Variants in ANK2 observed in about 807,000 individuals in gnomAD.
ANK2 encodes the protein ankyrin 2, also known as ankyrin-2.
Under a neutral mutation model 360.5 loss-of-function variants are expected in ANK2, and 83 were observed. The observed-to-expected ratio is 0.23, with a 90% confidence interval of 0.19 to 0.28. The LOEUF (loss-of-function observed/expected upper bound fraction) is 0.28, where lower values mean the gene tolerates loss of function less well. ANK2 is among the 10% of genes least tolerant of loss of function. The pLI is 1.00. For missense variants in ANK2, 4,201 were observed against 4,795.7 expected (o/e 0.88, Z 3.66); for synonymous variants, 1,740 against 1,759.5 (o/e 0.99, Z 0.28).
chr4:112,924,392 A>C (rs1290174950), intron 2 of ANK2, among the ~76,000 whole-genome samples: 1 of 151,674 alleles, frequency 6.6e-6, no homozygotes, highest in Non-Finnish European at 1.5e-5. Context: ...GAAAAACAGA[A>C]AAAAAGAAAA....
At chr4:113,091,552 T>C (rs2088147417) in intron 1 of ANK2, among the ~76,000 whole-genome samples, 1 of 152,234 alleles carries the variant, frequency 6.6e-6, no homozygotes, top group Non-Finnish European at 1.5e-5. Flanking sequence ...CAGTTTTACT[T>C]TCTAAAACAG....
chr4:112,761,096 C>G, the ANK2 span, among the ~76,000 whole-genome samples: 1,629 of 152,004 alleles, frequency 0.011, 38 homozygotes, highest in African/African-American at 0.036. Context: ...CATGAACCAC[C>G]GCACCCGGCC....
At chr4:112,793,857 C>T in the ANK2 span, among the ~76,000 whole-genome samples, 1 of 151,916 alleles carries the variant, frequency 6.6e-6, no homozygotes, top group African/African-American at 2.4e-5. Flanking sequence ...AGGCACGTGC[C>T]ACCACACTTG....
chr4:113,001,073 G>T (rs181801699), intron 2 of ANK2, among the ~76,000 whole-genome samples: 29 of 151,936 alleles, frequency 1.9e-4, no homozygotes, highest in South Asian at 6.2e-4. Flanking sequence ...GGTGGTTCAC[G>T]CCTGTAATCC....
intron 10 of ANK2, among the ~76,000 whole-genome samples, chr4:113,250,753 C>CTG (rs1421691508): frequency 8.4e-5 from 7 of 83,150 alleles, no homozygotes; most frequent in African/African-American, 2.5e-4. Context: ...CCTCATACCA[C>CTG]CGCCCCCCCC....
chr4:112,979,176 G>T (rs1260548489), intron 2 of ANK2, among the ~76,000 whole-genome samples: 6 of 152,208 alleles, frequency 3.9e-5, no homozygotes, highest in African/African-American at 1.4e-4. Flanking sequence ...TCTGCCAAGG[G>T]CGAGCCAGGT....
intron 4 of ANK2, among the ~76,000 whole-genome samples, chr4:113,215,461 CT>C (rs1225626228): frequency 6.6e-6 from 1 of 152,066 alleles, no homozygotes; most frequent in Non-Finnish European, 1.5e-5. Flanking sequence ...AATAAATTGA[CT>C]GGAGTTGAGA....
chr4:113,312,955 A>T (rs1391953864), intron 24 of ANK2, among the ~76,000 whole-genome samples: 4 of 152,232 alleles, frequency 2.6e-5, no homozygotes, highest in Non-Finnish European at 5.9e-5. Flanking sequence ...GGTGATAGTC[A>T]TGGAGAGAAT....
intron 2 of ANK2, among the ~76,000 whole-genome samples, chr4:113,000,808 A>G (rs370969972): frequency 2.0e-5 from 3 of 152,298 alleles, no homozygotes; most frequent in East Asian, 1.9e-4. Context: ...TCATGACTGA[A>G]CAATGACATT....
intron 11 of ANK2, among the ~76,000 whole-genome samples, chr4:113,256,686 A>G (rs1012260547): frequency 2.0e-5 from 3 of 152,024 alleles, no homozygotes; most frequent in Admixed American, 1.3e-4. Flanking sequence ...CTTTTTTTCT[A>G]TGTGTTTACA....
intron 2 of ANK2, among the ~76,000 whole-genome samples, chr4:113,002,556 C>CT (rs749081378): frequency 8.6e-5 from 12 of 139,644 alleles, no homozygotes; most frequent in Non-Finnish European, 1.2e-4. Flanking sequence ...ACTCTGGGGA[C>CT]TGTTGTGGGG....
At chr4:113,274,698 C>T (rs2059609663) in intron 15 of ANK2, 49 bp downstream of exon 15, 1 of 1,590,072 alleles carries the variant, frequency 6.3e-7, no homozygotes, top group Non-Finnish European at 8.6e-7. Flanking sequence ...ATTCCTAAGT[C>T]ATGGCCTTTC....
At chr4:113,005,471 A>AT (rs1430236521) in intron 2 of ANK2, among the ~76,000 whole-genome samples, 2 of 152,214 alleles carry the variant, frequency 1.3e-5, no homozygotes, top group Non-Finnish European at 2.9e-5. Context: ...GTTAAGTGAA[A>AT]TAAGTCAGGC....
intron 2 of ANK2, among the ~76,000 whole-genome samples, chr4:113,175,946 C>G (rs771421239): frequency 1.3e-5 from 2 of 152,204 alleles, no homozygotes; most frequent in African/African-American, 2.4e-5. Context: ...CCTGCAGATA[C>G]TTTTGGGAAT....
chr4:112,971,582 A>G (rs2039539496), intron 2 of ANK2, among the ~76,000 whole-genome samples: 1 of 152,252 alleles, frequency 6.6e-6, no homozygotes, highest in Non-Finnish European at 1.5e-5. Context: ...TGAATAGAAT[A>G]TATAAAAGGC....
At chr4:113,073,371 C>T (rs28706836) in intron 1 of ANK2, among the ~76,000 whole-genome samples, 13,297 of 152,074 alleles carry the variant, frequency 0.087, 1,312 homozygotes, top group African/African-American at 0.24. Flanking sequence ...TGACTGGACA[C>T]ATGCAATTTA....
chr4:113,357,989 A>G lies in ANK2; in HGVS notation c.9371A>G (p.Tyr3124Cys). The change falls in exon 38 of 46, where the codon TAT becomes TGT. Residue 3124 changes from tyrosine (Y) to cysteine (C), a missense_variant. Tyr to Cys is a radical substitution (Grantham distance 194). This residue lies in a region of ANK2 where 2,642 missense variants were observed against 2,714.5 expected (regional missense o/e 0.97). Transcript: ENST00000357077. ...GCCATTGATATGACCAAAAGGTCCTATGCAGATGAAAGTTTTCACTTTTTC... is the reference window on the plus strand; with the variant it reads ...GCCATTGATATGACCAAAAGGTCCTGTGCAGATGAAAGTTTTCACTTTTTC... ...SGAIDMTKRS[Y>C]ADESFHFFQI... 1.2e-6 allele frequency: 2 copies of G among 1,614,042 alleles called. No homozygotes were observed. Among genetic ancestry groups the G allele is most frequent in the Non-Finnish European group, 1.7e-6 (2 of 1,179,966 alleles).
intron 45 of ANK2, among the ~76,000 whole-genome samples, chr4:113,381,125 C>T (rs993090707): frequency 1.1e-4 from 16 of 152,114 alleles, no homozygotes; most frequent in Admixed American, 1.0e-3. Context: ...GTAAGGGCTA[C>T]TTAATCAAAC....
chr4:112,737,184 G>A, the ANK2 span, among the ~76,000 whole-genome samples: 1 of 152,068 alleles, frequency 6.6e-6, no homozygotes, highest in East Asian at 1.9e-4. Context: ...CATACAAAGT[G>A]CTGTGCACAT....
Sources: allele counts gnomAD v4.1 joint callset (sites outside exome capture counted in the v4.1 genomes callset), GRCh38; gene constraint gnomAD v4.1.1; regional missense constraint gnomAD v4.1.1; transcripts MANE v1.5; gene names NCBI Gene and HGNC (gene_info 2026-07-23, HGNC 2026-07-21).